Variants in DNAH10 observed in about 807,000 individuals in gnomAD.
The protein encoded by DNAH10 is dynein axonemal heavy chain 10, also known as axonemal beta dynein heavy chain 10.
In DNAH10, 348 loss-of-function variants were observed where a neutral mutation model predicts 506.6. That is an observed-to-expected ratio of 0.69 (90% CI 0.63 to 0.75). The LOEUF (loss-of-function observed/expected upper bound fraction) is 0.75, where lower values mean the gene tolerates loss of function less well. Among genes scored for constraint, DNAH10 ranks in the 30% least tolerant of loss-of-function variants. The probability of loss-of-function intolerance (pLI) is 0.00; values close to 1 mark genes in which losing one functional copy is unlikely to be tolerated. For synonymous variants in DNAH10, 2,059 were observed against 2,198.6 expected, an observed-to-expected ratio of 0.94 and a Z score of 1.78; for missense variants, 5,179 against 5,787.1, an observed-to-expected ratio of 0.89 and a Z score of 3.41.
intron 36 of DNAH10, among the ~76,000 whole-genome samples, chr12:123,855,044 C>T (rs570591778): frequency 1.2e-4 from 18 of 152,314 alleles, no homozygotes; most frequent in Admixed American, 1.1e-3. Flanking sequence ...AACATGATGT[C>T]GTTACAATTA....
At chr12:123,829,209 A>G (rs1960284275) in intron 25 of DNAH10, among the ~76,000 whole-genome samples, 1 of 152,136 alleles carries the variant, frequency 6.6e-6, no homozygotes, top group Non-Finnish European at 1.5e-5. Flanking sequence ...GGTGGTGGGA[A>G]AAAGGAAGTA....
At chr12:123,794,197 TC>T (rs1565911138) in intron 12 of DNAH10, 85 bp downstream of exon 12, 2 of 974,778 alleles carry the variant, frequency 2.1e-6, no homozygotes, top group Non-Finnish European at 2.5e-6. Context: ...TGTCTGTCTT[TC>T]CCATCTGAAT....
chr12:123,934,556 T>TA (rs1955393813), intron 77 of DNAH10, 65 bp from the exon 78 acceptor site: 1 of 1,589,934 alleles, frequency 6.3e-7, no homozygotes, highest in South Asian at 1.1e-5. Context: ...GTGCGCCTGA[T>TA]AGAGCCACTC....
intron 21 of DNAH10, among the ~76,000 whole-genome samples, chr12:123,817,881 G>A (rs968643149): frequency 3.3e-5 from 5 of 151,586 alleles, no homozygotes; most frequent in African/African-American, 1.2e-4. Flanking sequence ...CAGAGATTAA[G>A]TTGATTTGAA....
chr12:123,772,789 T>A (rs1957302367), intron 3 of DNAH10, 45 bp from the exon 4 acceptor site: 1 of 1,410,066 alleles, frequency 7.1e-7, no homozygotes, highest in African/African-American at 1.4e-5. Context: ...TTTAGGTGAA[T>A]GGATGTATCA....
intron 15 of DNAH10, among the ~76,000 whole-genome samples, chr12:123,800,757 G>A (rs888614663): frequency 2.6e-5 from 4 of 151,958 alleles, no homozygotes; most frequent in East Asian, 3.9e-4. Context: ...GGTGGCTCAC[G>A]CCTGTAATCC....
chr12:123,905,291 C>G (rs1953724508), intron 57 of DNAH10, among the ~76,000 whole-genome samples: 1 of 152,136 alleles, frequency 6.6e-6, no homozygotes, highest in Non-Finnish European at 1.5e-5. Context: ...TTGATTGTGT[C>G]TCCAGTCTTT....
intron 29 of DNAH10, among the ~76,000 whole-genome samples, chr12:123,839,662 AT>A (rs34822711): frequency 8.7e-4 from 100 of 114,798 alleles, no homozygotes; most frequent in South Asian, 4.7e-3. Context: ...TTTCTTTTCT[AT>A]TTTTTTTTTT....
At chr12:123,889,080 G>A (rs921745222) in intron 52 of DNAH10, among the ~76,000 whole-genome samples, 5 of 152,064 alleles carry the variant, frequency 3.3e-5, no homozygotes, top group African/African-American at 9.7e-5. Context: ...AACATCTGCC[G>A]GCATGCCATC....
At chr12:123,779,154 C>T (rs191764205) in intron 5 of DNAH10, among the ~76,000 whole-genome samples, 77 of 152,222 alleles carry the variant, frequency 5.1e-4, no homozygotes, top group African/African-American at 1.5e-3. Flanking sequence ...TCACCCGCCT[C>T]GGCTTCCCAA....
rs191689992 is a variant in DNAH10 at position 123,853,293 on chromosome 12, C to A, written c.6379C>A (p.Leu2127Met). 24 of 1,612,210 alleles carry A rather than the reference C, an allele frequency of 1.5e-5. No homozygotes were observed. Among genetic ancestry groups the A allele is most frequent in the Non-Finnish European group, 2.0e-5 (24 of 1,179,224 alleles). The change falls in exon 36 of 79, where the codon CTG becomes ATG. Residue 2127 changes from leucine (L) to methionine (M), a missense_variant. Leu to Met is a conservative substitution (Grantham distance 15, BLOSUM62 2). This residue lies in a region of DNAH10 where 4,844 missense variants were observed against 5,430.5 expected (regional missense o/e 0.89). Coordinates refer to ENST00000673944, the MANE Select transcript of DNAH10 (RefSeq NM_001372106.1). This position sits in a 1 kb window ranked among gnomAD's most constrained non-coding sequence, Gnocchi z 4.7. ...TCACTATGATTTTGGACTCAGAGCC[C>A]TGAAATCGGTGCTGGTCATGGCTGG... ...QYHYDFGLRA[L>M]KSVLVMAGEL...
intron 29 of DNAH10, among the ~76,000 whole-genome samples, chr12:123,841,032 A>G (rs1034893493): frequency 6.6e-6 from 1 of 152,090 alleles, no homozygotes; most frequent in Non-Finnish European, 1.5e-5. Flanking sequence ...ACTGGCTCCT[A>G]TGTCCAGATA....
chr12:123,839,377 C>G (rs1950686387), intron 29 of DNAH10, among the ~76,000 whole-genome samples: 1 of 152,156 alleles, frequency 6.6e-6, no homozygotes, highest in Non-Finnish European at 1.5e-5. Context: ...TCGGCAAGTT[C>G]CTTGATCTCT....
Position 123,845,833 on chromosome 12 carries a change from A to G in DNAH10, c.5594A>G (p.His1865Arg), listed in dbSNP as rs372638653. The change falls in exon 31 of 79, where the codon CAT becomes CGT. Residue 1865 changes from histidine (H) to arginine (R), a missense_variant. Coordinates refer to ENST00000673944, the MANE Select transcript of DNAH10 (RefSeq NM_001372106.1). ...AACACTGTTCTCATCATTGATGTGC[A>G]TGCCAGAGACATAGTTGATTCTTTC... ...KYNTVLIIDV[H>R]ARDIVDSFIR... The G allele has an allele frequency of 1.2e-6, 2 of 1,614,058 alleles. No homozygotes were observed. The highest frequency in any genetic ancestry group is 2.7e-5 in the African/African-American group (2 of 75,054).
At chr12:123,794,387 T>C (rs888672625) in intron 12 of DNAH10, among the ~76,000 whole-genome samples, 5 of 152,252 alleles carry the variant, frequency 3.3e-5, no homozygotes, top group Non-Finnish European at 7.3e-5. Context: ...TAATCATAGT[T>C]AACCATGTCC....
At chr12:123,860,483 A>G (rs576727783) in intron 38 of DNAH10, among the ~76,000 whole-genome samples, 1 of 152,288 alleles carries the variant, frequency 6.6e-6, no homozygotes, top group East Asian at 1.9e-4. Flanking sequence ...TTTGTTCTCT[A>G]TAGATGAATT....
At position 123,787,740 on chromosome 12, in the gene DNAH10, G is replaced by T; in HGVS notation, c.1422-64G>T. The T allele has an allele frequency of 1.3e-6, 2 of 1,562,684 alleles. No homozygotes were observed. The highest frequency in any genetic ancestry group is 1.7e-6 in the Non-Finnish European group (2 of 1,150,314). On this transcript the variant is annotated intron_variant, in intron 9 of 78. Coordinates refer to ENST00000673944, the MANE Select transcript of DNAH10 (RefSeq NM_001372106.1). This position sits in a 1 kb window ranked among gnomAD's most constrained non-coding sequence, Gnocchi z 4.6. Reference sequence around the variant, plus strand: ...TTCACGGGACACTGGCTCCCCAGCCGGGGAGTGCGGCTCGGACCCGGAGCT... The same window carrying T: ...TTCACGGGACACTGGCTCCCCAGCCTGGGAGTGCGGCTCGGACCCGGAGCT...
chr12:123,796,599 T>C, intron 12 of DNAH10, 57 bp from the exon 13 acceptor site: 1 of 1,485,032 alleles, frequency 6.7e-7, no homozygotes, highest in Non-Finnish European at 9.1e-7. Flanking sequence ...AATCTCATCT[T>C]TCTTGGCTAA....
At position 123,902,186 on chromosome 12, in the gene DNAH10, G is replaced by C. The variant is rs1377923786; in HGVS notation, c.9641-753G>C. ...TGTGTCTGCACATGGCCTTCTGATA[G>C]GGACCCCAGGCATTGGATTTAGGGC... On this transcript the variant is annotated intron_variant, in intron 56 of 78. Coordinates refer to ENST00000673944, the MANE Select transcript of DNAH10 (RefSeq NM_001372106.1). This position sits in a 1 kb window ranked among gnomAD's most constrained non-coding sequence, Gnocchi z 4.5. Among the ~76,000 whole-genome samples, 2 of 152,152 alleles carry C rather than the reference G, an allele frequency of 1.3e-5. No homozygotes were observed.
Sources: allele counts gnomAD v4.1 joint callset (sites outside exome capture counted in the v4.1 genomes callset), GRCh38; gene constraint gnomAD v4.1.1; regional missense constraint gnomAD v4.1.1; non-coding constraint Gnocchi (gnomAD v3.1); transcripts MANE v1.5; gene names NCBI Gene and HGNC (gene_info 2026-07-23, HGNC 2026-07-21).